Variants in CHD1L observed in about 807,000 individuals in gnomAD.
The protein encoded by CHD1L is chromodomain helicase DNA binding protein 1 like.
A neutral mutation model predicts 115.9 loss-of-function variants in CHD1L; 118 were observed. The ratio of observed to expected loss-of-function variants is 1.02; its 90% CI spans 0.88 to 1.19. CHD1L has a LOEUF of 1.19. Ranked by LOEUF, CHD1L falls within the 50% of genes most tolerant of loss-of-function variation. The probability of loss-of-function intolerance (pLI) is 0.00; values close to 1 mark genes in which losing one functional copy is unlikely to be tolerated. For synonymous variants in CHD1L, 411 were observed against 387.1 expected, an observed-to-expected ratio of 1.06 and a Z score of -0.72; for missense variants, 1,179 against 1,065.3, an observed-to-expected ratio of 1.11 and a Z score of -1.49.
chr1:147,204,349 C>T, the CHD1L span: 3 of 1,009,010 alleles, frequency 3.0e-6, no homozygotes, highest in Admixed American at 5.1e-5. Flanking sequence ...TTTGAAATGG[C>T]CAGAATCAGG....
intron 20 of CHD1L, 47 bp from the exon 21 acceptor site, chr1:147,293,561 G>A: frequency 1.3e-6 from 2 of 1,525,650 alleles, no homozygotes; most frequent in Non-Finnish European, 1.8e-6. Context: ...TTGGTTGAGT[G>A]TGGCTGTTTC....
the CHD1L span, among the ~76,000 whole-genome samples, chr1:147,193,606 C>G: frequency 6.6e-6 from 1 of 152,050 alleles, no homozygotes; most frequent in Non-Finnish European, 1.5e-5. Flanking sequence ...GTTAGGGTGT[C>G]AATTTTGGAT....
the CHD1L span, among the ~76,000 whole-genome samples, chr1:147,187,410 C>T: frequency 6.6e-6 from 1 of 152,122 alleles, no homozygotes; most frequent in East Asian, 1.9e-4. Flanking sequence ...GATCTTAGGA[C>T]TTACAAAAGG....
At chr1:147,271,795 GC>G (rs1354623719) in intron 11 of CHD1L, among the ~76,000 whole-genome samples, 1 of 152,146 alleles carries the variant, frequency 6.6e-6, no homozygotes, top group African/African-American at 2.4e-5. Context: ...GTTAGAAGGG[GC>G]TCACTCACCT....
At chr1:147,197,718 C>T in the CHD1L span, among the ~76,000 whole-genome samples, 3 of 152,136 alleles carry the variant, frequency 2.0e-5, no homozygotes, top group African/African-American at 7.2e-5. Flanking sequence ...TGAATTAAAC[C>T]TCTTTCCTTT....
intron 10 of CHD1L, among the ~76,000 whole-genome samples, chr1:147,270,287 C>T (rs1347773032): frequency 6.6e-6 from 1 of 152,170 alleles, no homozygotes; most frequent in Non-Finnish European, 1.5e-5. Flanking sequence ...TGACTTTGTT[C>T]TTGACTTACT....
At chr1:147,225,226 G>A in the CHD1L span, 1 of 1,399,038 alleles carries the variant, frequency 7.1e-7, no homozygotes, top group African/African-American at 1.4e-5. Context: ...GCTGGCATGG[G>A]GGAGCCCTGC....
the CHD1L span, among the ~76,000 whole-genome samples, chr1:147,217,255 G>T: frequency 6.6e-6 from 1 of 150,688 alleles, no homozygotes. Context: ...AAAAGAAAAA[G>T]AAAAAGAAAA....
chr1:147,220,223 C>T, the CHD1L span, among the ~76,000 whole-genome samples: 5 of 152,102 alleles, frequency 3.3e-5, no homozygotes, highest in South Asian at 1.0e-3. Flanking sequence ...AAATTACATA[C>T]GTAGGTATAA....
At chr1:147,240,855 A>T (rs1160524014), upstream of CHD1L, among the ~76,000 whole-genome samples, 1 of 152,176 alleles carries the variant, frequency 6.6e-6, no homozygotes, top group Non-Finnish European at 1.5e-5. Flanking sequence ...GTCCTGCCAC[A>T]TCCCACTCTC....
At chr1:147,273,491 C>A (rs1307102865) in intron 12 of CHD1L, among the ~76,000 whole-genome samples, 2 of 152,114 alleles carry the variant, frequency 1.3e-5, no homozygotes, top group African/African-American at 4.8e-5. Flanking sequence ...ACATAAGATT[C>A]ATTTGGCCTC....
At chr1:147,232,904 C>A in the CHD1L span, among the ~76,000 whole-genome samples, 1 of 152,224 alleles carries the variant, frequency 6.6e-6, no homozygotes, top group African/African-American at 2.4e-5. Context: ...AAAGTGCAGC[C>A]TCTGCCTGGC....
At chr1:147,187,220 T>C in the CHD1L span, 3 of 1,611,952 alleles carry the variant, frequency 1.9e-6, no homozygotes, top group Non-Finnish European at 2.5e-6. Flanking sequence ...TCTCCCTGAA[T>C]GGTATGGCGT....
chr1:147,274,228 C>T (rs1175466121), intron 12 of CHD1L, among the ~76,000 whole-genome samples: 3 of 152,062 alleles, frequency 2.0e-5, no homozygotes, highest in Admixed American at 6.5e-5. Context: ...CTCAACTTCC[C>T]GACAGGGTTG....
the CHD1L span, among the ~76,000 whole-genome samples, chr1:147,232,424 T>A: frequency 0.48 from 72,463 of 151,818 alleles, 18,773 homozygotes; most frequent in East Asian, 0.71. Context: ...AGCGGTTGTA[T>A]TCCCATTATC....
At chr1:147,292,614 G>A (rs1289286284) in intron 20 of CHD1L, among the ~76,000 whole-genome samples, 1 of 152,224 alleles carries the variant, frequency 6.6e-6, no homozygotes, top group Non-Finnish European at 1.5e-5. Context: ...TGCTGTACAG[G>A]AAGCCTGATA....
chr1:147,195,707 T>C, the CHD1L span, among the ~76,000 whole-genome samples: 4 of 152,286 alleles, frequency 2.6e-5, no homozygotes, highest in South Asian at 2.1e-4. Flanking sequence ...CTAGGGACTA[T>C]GCCATGTAGA....
intron 22 of CHD1L, among the ~76,000 whole-genome samples, chr1:147,294,974 C>T (rs782722611): frequency 2.0e-4 from 30 of 152,158 alleles, no homozygotes; most frequent in Admixed American, 6.5e-4. Context: ...TTTATTTTAA[C>T]CATGAAGTCA....
At chr1:147,219,175 G>A in the CHD1L span, among the ~76,000 whole-genome samples, 18 of 152,220 alleles carry the variant, frequency 1.2e-4, no homozygotes, top group Non-Finnish European at 1.6e-4. Flanking sequence ...TAAAAATGGC[G>A]TATGATATAA....
Sources: gnomAD v4.1 joint callset for allele counts (sites outside exome capture counted in the v4.1 genomes callset) on GRCh38, gnomAD v4.1.1 for gene constraint, MANE v1.5 for transcripts, NCBI Gene and HGNC (gene_info 2026-07-23, HGNC 2026-07-21) for gene names.